SETMAR: variants seen among roughly 807,000 people sequenced by gnomAD.
The protein encoded by SETMAR is SET and mariner transposase domain methyltransferase, also known as histone-lysine N-methyltransferase SETMAR.
SETMAR carries 44 observed loss-of-function variants against 58.4 expected under a neutral mutation model. The ratio of observed to expected loss-of-function variants is 0.75; its 90% CI spans 0.59 to 0.97. The LOEUF (loss-of-function observed/expected upper bound fraction) is 0.97. Ranked by LOEUF, SETMAR falls within the 50% of genes least tolerant of loss-of-function variation. The pLI is 0.00. For missense variants in SETMAR, 903 were observed against 840.2 expected, an observed-to-expected ratio of 1.07 and a Z score of -0.92; for synonymous variants, 332 against 307.4, an observed-to-expected ratio of 1.08 and a Z score of -0.84.
intron 1 of SETMAR, 131 bp from the exon 2 acceptor site, chr3:4,312,767 C>G: frequency 3.2e-6 from 3 of 925,296 alleles, no homozygotes; most frequent in Non-Finnish European, 4.7e-6. Flanking sequence ...TCTTAGTATG[C>G]TGTGTTTTGA....
chr3:4,316,505 C>T lies in SETMAR; in HGVS notation c.1314C>T (p.Val438=). Residue 438 remains valine (V), a synonymous_variant, in exon 3 of 3, where the codon GTC becomes GTT. Coordinates refer to ENST00000358065, the MANE Select transcript of SETMAR (RefSeq NM_006515.4). Reference sequence around the variant, plus strand: ...GAGAAGTTGCTGAAGAACTCAATGTCAACCATTCTACGGTCGTTCGACATT... The same window carrying T: ...GAGAAGTTGCTGAAGAACTCAATGTTAACCATTCTACGGTCGTTCGACATT... ...TTREVAEELN[V]NHSTVVRHLK... The T allele has an allele frequency of 2.5e-6, 4 of 1,597,194 alleles. No homozygotes were observed. The highest frequency in any genetic ancestry group is 3.4e-6 in the Non-Finnish European group (4 of 1,171,334).
intron 1 of SETMAR, among the ~76,000 whole-genome samples, chr3:4,304,775 A>G (rs923372481): frequency 6.6e-6 from 1 of 152,140 alleles, no homozygotes; most frequent in South Asian, 2.1e-4. Flanking sequence ...ACTCTAAAAT[A>G]TTTGAAGAGA....
In SETMAR at chr3:4,317,006, G is replaced by C. The variant is rs1198950801; in HGVS notation, c.1815G>C (p.Leu605Phe). 16 of 1,549,168 alleles carry C rather than the reference G, an allele frequency of 1.0e-5. No individual in the cohort carries two copies. The highest frequency in any genetic ancestry group is 1.2e-5 in the Non-Finnish European group (14 of 1,146,720). Reference protein sequence around the residue: ...AQPTLQKLNELGYEVLPHPPY... With the variant: ...AQPTLQKLNEFGYEVLPHPPY... ...CCACACTTCAAAAGTTGAATGAATTGGGCTATGAAGTTTTGCCTCATCCAC... is the reference window on the plus strand; with the variant it reads ...CCACACTTCAAAAGTTGAATGAATTCGGCTATGAAGTTTTGCCTCATCCAC... Residue 605 changes from leucine (L) to phenylalanine (F), a missense_variant, in exon 3 of 3, where the codon TTG becomes TTC. Transcript: ENST00000358065.
intron 1 of SETMAR, 47 bp from the exon 2 acceptor site, chr3:4,312,851 A>C: frequency 6.5e-7 from 1 of 1,540,630 alleles, no homozygotes; most frequent in South Asian, 1.3e-5. Flanking sequence ...ATATATAGGA[A>C]ATATATGACA....
intron 1 of SETMAR, among the ~76,000 whole-genome samples, chr3:4,306,088 C>A (rs1278362719): frequency 6.6e-6 from 1 of 152,162 alleles, no homozygotes; most frequent in Non-Finnish European, 1.5e-5. Context: ...GAAAAACGCA[C>A]TCTACCCTCA....
chr3:4,304,003 C>A, intron 1 of SETMAR: 1 of 428,578 alleles, frequency 2.3e-6, no homozygotes, highest in Non-Finnish European at 3.8e-6. Flanking sequence ...TGTGGCTCAG[C>A]CTTAGAGTCT....
chr3:4,312,486 T>C (rs1698445637), intron 1 of SETMAR, among the ~76,000 whole-genome samples: 1 of 152,130 alleles, frequency 6.6e-6, no homozygotes, highest in South Asian at 2.1e-4. Flanking sequence ...CATACTATTA[T>C]ATACATTAAG....
At chr3:4,313,914 G>T in intron 2 of SETMAR, 153 bp downstream of exon 2, 1 of 1,359,010 alleles carries the variant, frequency 7.4e-7, no homozygotes, top group East Asian at 2.4e-5. Context: ...TTCTGTAATA[G>T]AATTCTCCAT....
At chr3:4,305,594 T>C (rs1169321405) in intron 1 of SETMAR, among the ~76,000 whole-genome samples, 4 of 152,208 alleles carry the variant, frequency 2.6e-5, no homozygotes, top group African/African-American at 9.7e-5. Flanking sequence ...CCAGGGCAAT[T>C]TCAAGATATG....
rs764530712 is a variant in SETMAR, at chr3:4,313,557, T to G, written c.816T>G (p.Ser272Arg). 1.9e-6 allele frequency: 3 copies of G among 1,613,914 alleles called. No individual in the cohort carries two copies. The highest frequency in any genetic ancestry group is 2.5e-6 in the Non-Finnish European group (3 of 1,179,964). The change falls in exon 2 of 3, where the codon AGT (serine) becomes AGG (arginine). Residue 272 changes from serine to arginine, a missense_variant. Transcript: ENST00000358065. ...GAAGATATCTTAATCTAACAGTCAGTGAAGACAAAGAAAGGCTAGATCATG... is the reference window on the plus strand; with the variant it reads ...GAAGATATCTTAATCTAACAGTCAGGGAAGACAAAGAAAGGCTAGATCATG... ...YSGRYLNLTV[S>R]EDKERLDHGK... is the part of the protein sequence containing the mutation.
intron 1 of SETMAR, among the ~76,000 whole-genome samples, chr3:4,308,541 A>C (rs1575075527): frequency 6.6e-6 from 1 of 152,348 alleles, no homozygotes; most frequent in East Asian, 1.9e-4. Context: ...ATTTCATTAA[A>C]ATTTCATGAT....
At chr3:4,314,374 A>T (rs1698551729) in intron 2 of SETMAR, 1 of 152,758 alleles carries the variant, frequency 6.5e-6, no homozygotes, top group African/African-American at 2.4e-5. Context: ...TTTAACAGTA[A>T]TAAAGCTGAC....
At chr3:4,311,626 C>T (rs970657948) in intron 1 of SETMAR, among the ~76,000 whole-genome samples, 1 of 152,184 alleles carries the variant, frequency 6.6e-6, no homozygotes, top group Non-Finnish European at 1.5e-5. Context: ...AGCTATGTAT[C>T]TAATCATATA....
chr3:4,315,662 C>G (rs539402114), intron 2 of SETMAR, among the ~76,000 whole-genome samples: 1 of 152,284 alleles, frequency 6.6e-6, no homozygotes, highest in South Asian at 2.1e-4. Flanking sequence ...AATGTTGACA[C>G]TTCTTTTGAG....
At chr3:4,303,656 G>C in intron 1 of SETMAR, 130 bp downstream of exon 1, 4 of 1,440,062 alleles carry the variant, frequency 2.8e-6, no homozygotes, top group Non-Finnish European at 3.6e-6. Context: ...CCGTTGGTGC[G>C]CGGGAATAGG....
intron 1 of SETMAR, among the ~76,000 whole-genome samples, chr3:4,308,728 T>C (rs1698288795): frequency 6.6e-6 from 1 of 152,232 alleles, no homozygotes; most frequent in Non-Finnish European, 1.5e-5. Context: ...TTCAAGACCA[T>C]AGTCACAGAG....
At chr3:4,315,094 AC>A (rs1698582832) in intron 2 of SETMAR, among the ~76,000 whole-genome samples, 1 of 152,190 alleles carries the variant, frequency 6.6e-6, no homozygotes, top group Admixed American at 6.5e-5. Context: ...AACAAATGGT[AC>A]TAGAGTACAC....
chr3:4,316,007 A>C (rs1698623211), intron 2 of SETMAR, among the ~76,000 whole-genome samples: 1 of 147,440 alleles, frequency 6.8e-6, no homozygotes, highest in Non-Finnish European at 1.5e-5. Flanking sequence ...AGACTGTACC[A>C]CTGCACTCCA....
At chr3:4,309,182 G>T (rs1241685037) in intron 1 of SETMAR, among the ~76,000 whole-genome samples, 1 of 152,180 alleles carries the variant, frequency 6.6e-6, no homozygotes, top group African/African-American at 2.4e-5. Flanking sequence ...AAGCCTCCAG[G>T]TAGCAGGCTT....
Sources: allele counts gnomAD v4.1 joint callset (sites outside exome capture counted in the v4.1 genomes callset), GRCh38; gene constraint gnomAD v4.1.1; transcripts MANE v1.5; gene names NCBI Gene and HGNC (gene_info 2026-07-23, HGNC 2026-07-21).